CCDC33: variants seen among roughly 807,000 people sequenced by gnomAD.
The protein encoded by CCDC33 is coiled-coil domain-containing protein 33.
Under a neutral mutation model 91.9 loss-of-function variants are expected in CCDC33, and 94 were observed. The observed-to-expected ratio is 1.02, with a 90% CI of 0.87 to 1.21. The LOEUF (loss-of-function observed/expected upper bound fraction) is 1.21. Among genes scored for constraint, CCDC33 ranks in the 50% most tolerant of loss-of-function variants. CCDC33 has a pLI of 0.00. For synonymous variants in CCDC33, 396 were observed against 374.5 expected, an observed-to-expected ratio of 1.06 and a Z score of -0.66; for missense variants, 940 against 935.5, an observed-to-expected ratio of 1.00 and a Z score of -0.06.
chr15:74,311,702 A>T lies in CCDC33; in HGVS notation c.1290+15754A>T, dbSNP rs185588433. On this transcript the variant is annotated intron_variant, in intron 11 of 18. Transcript: ENST00000398814. The stretch of plus-strand genomic sequence containing the variant: ...GATGACAGCGGGAGGCTGGCTTAGA[A>T]TCAGCATTCTAAGAGTCGGTATCAT... The T allele has an allele frequency of 1.8e-4, 27 of 152,330 alleles. No homozygotes were observed. In the East Asian group the frequency reaches 5.2e-3, roughly 29 times the overall value. The allele number at this position is 152,330 out of a possible 1,614,324, so 9.4% of individuals were successfully genotyped here. A position where few individuals can be genotyped will look rare whatever the true frequency, so the allele number is the denominator to read the frequency against.
chr15:74,225,449 C>T (rs764258103), intron 2 of CCDC33, among the ~76,000 whole-genome samples: 3 of 150,196 alleles, frequency 2.0e-5, no homozygotes, highest in Admixed American at 6.6e-5. Flanking sequence ...ATGGATGCTG[C>T]GACACACAAG....
chr15:74,223,222 C>G (rs2074665297), intron 2 of CCDC33, among the ~76,000 whole-genome samples: 2 of 152,166 alleles, frequency 1.3e-5, no homozygotes, highest in South Asian at 2.1e-4. Flanking sequence ...TCCCTCTGCT[C>G]TCCTGGTGAG....
chr15:74,247,783 A>G (rs1002856265), intron 2 of CCDC33, among the ~76,000 whole-genome samples: 1 of 152,156 alleles, frequency 6.6e-6, no homozygotes, highest in Non-Finnish European at 1.5e-5. Flanking sequence ...CTAGTTAATG[A>G]TACTATATTG....
At chr15:74,243,340 A>G (rs1228036811) in intron 1 of CCDC33, among the ~76,000 whole-genome samples, 3 of 152,238 alleles carry the variant, frequency 2.0e-5, no homozygotes, top group Non-Finnish European at 1.5e-5. Flanking sequence ...TAGACTGAAG[A>G]AGGTGGCCCA....
chr15:74,273,436 T>C (rs2076373465), intron 7 of CCDC33, among the ~76,000 whole-genome samples: 1 of 152,236 alleles, frequency 6.6e-6, no homozygotes, highest in Non-Finnish European at 1.5e-5. Flanking sequence ...ATGGCTACAA[T>C]GGTGAATGTT....
chr15:74,215,870 TCAC>T (rs1272144860), upstream of CCDC33, among the ~76,000 whole-genome samples: 77 of 95,228 alleles, frequency 8.1e-4, no homozygotes, highest in East Asian at 0.013. Context: ...AAACTCGATC[TCAC>T]CAAAAAAAAA....
intron 11 of CCDC33, among the ~76,000 whole-genome samples, chr15:74,324,879 C>A (rs2060278546): frequency 6.7e-6 from 1 of 149,564 alleles, no homozygotes; most frequent in African/African-American, 2.5e-5. Flanking sequence ...CCCACCTCCT[C>A]CTTCTCCCCT....
intron 10 of CCDC33, among the ~76,000 whole-genome samples, chr15:74,287,027 G>A (rs924438648): frequency 3.9e-5 from 6 of 152,226 alleles, no homozygotes; most frequent in African/African-American, 9.7e-5. Context: ...TGGCCACTTA[G>A]CAAATATAGA....
intron 8 of CCDC33, among the ~76,000 whole-genome samples, chr15:74,280,336 G>A (rs1001381087): frequency 2.0e-5 from 3 of 152,192 alleles, no homozygotes; most frequent in African/African-American, 7.2e-5. Flanking sequence ...ATCAGTGATG[G>A]GGGAGGGCTG....
intron 6 of CCDC33, 27 bp downstream of exon 6, chr15:74,271,821 T>G (rs1595994518): frequency 6.3e-7 from 1 of 1,590,720 alleles, no homozygotes. Flanking sequence ...TGGACCTGGG[T>G]GAGGAGGGCA....
In CCDC33 at chr15:74,332,688, T is replaced by C. The variant is rs746147363; in HGVS notation, c.1781T>C (p.Met594Thr). ...QQGKPYTGFPMLSASGLPLGS... is the reference protein window; with the variant it reads ...QQGKPYTGFPTLSASGLPLGS... Reference sequence around the variant, plus strand: ...GTGGCCGTGTCTCTAGGCTTCCCTATGCTCTCAGCCTCTGGCCTTCCCTTG... The same window carrying C: ...GTGGCCGTGTCTCTAGGCTTCCCTACGCTCTCAGCCTCTGGCCTTCCCTTG... Residue 594 changes from methionine to threonine, a missense_variant, in exon 16 of 19, where the codon ATG becomes ACG. Transcript: ENST00000398814. The C allele has an allele frequency of 1.2e-6, 2 of 1,613,972 alleles. No individual in the cohort carries two copies. The highest frequency in any genetic ancestry group is 1.7e-6 in the Non-Finnish European group (2 of 1,179,960).
intron 10 of CCDC33, among the ~76,000 whole-genome samples, chr15:74,293,047 A>G (rs1036072558): frequency 6.6e-6 from 1 of 152,164 alleles, no homozygotes; most frequent in African/African-American, 2.4e-5. Flanking sequence ...GGCTCAGTAA[A>G]TGTCAGCTCT....
At chr15:74,210,899 T>C (rs907137621) in intron 2 of CCDC33, among the ~76,000 whole-genome samples, 4 of 152,198 alleles carry the variant, frequency 2.6e-5, no homozygotes, top group African/African-American at 9.7e-5. Context: ...TTGTGATAGC[T>C]GGATCTCAGG....
At chr15:74,256,860 C>CAGGA (rs1052317130) in intron 2 of CCDC33, among the ~76,000 whole-genome samples, 7 of 152,218 alleles carry the variant, frequency 4.6e-5, no homozygotes, top group Admixed American at 4.6e-4. Flanking sequence ...TCCTTGTCCG[C>CAGGA]CATGGGTGGA....
At chr15:74,335,402 T>C in intron 18 of CCDC33, 1 of 580,472 alleles carries the variant, frequency 1.7e-6, no homozygotes, top group Non-Finnish European at 3.1e-6. Context: ...ACACTGTGCT[T>C]TAGGACTGGC....
At chr15:74,265,954 G>A (rs1256473347) in intron 3 of CCDC33, among the ~76,000 whole-genome samples, 1 of 152,224 alleles carries the variant, frequency 6.6e-6, no homozygotes. Context: ...AACCTGGAAG[G>A]CAGAGGTTGT....
intron 9 of CCDC33, among the ~76,000 whole-genome samples, chr15:74,281,162 A>G (rs2059355680): frequency 6.6e-6 from 1 of 152,232 alleles, no homozygotes; most frequent in Admixed American, 6.5e-5. Flanking sequence ...TTACTGAACC[A>G]CAAGAGTCCT....
In CCDC33 at chr15:74,262,479, G is replaced by A. The variant is rs1285193974; in HGVS notation, c.225G>A (p.Lys75=). 6.2e-7 allele frequency: 1 copy of A among 1,614,020 alleles called. No homozygotes were observed. The highest frequency in any genetic ancestry group is 8.5e-7 in the Non-Finnish European group (1 of 1,180,010). ...TSEEKNNQSS[K]AVTSVTSEPT... ...AGGAAAAGAACAATCAGAGCTCCAA[G>A]GCAGTCACATCTGTGACCTCAGAGC... Residue 75 remains lysine, a synonymous_variant, in exon 3 of 19, where the codon AAG becomes AAA. Transcript: ENST00000398814.
In CCDC33 at chr15:74,244,080, C is replaced by A. The variant is rs766433450; in HGVS notation, c.117C>A (p.Val39=). 4.3e-6 allele frequency: 7 copies of A among 1,614,078 alleles called. No homozygotes were observed. The highest frequency in any genetic ancestry group is 5.1e-6 in the Non-Finnish European group (6 of 1,179,992). Residue 39 remains valine, a synonymous_variant, in exon 2 of 19, where the codon GTC becomes GTA. Coordinates refer to ENST00000398814, the MANE Select transcript of CCDC33 (RefSeq NM_025055.5). The surrounding 1 kb of genome is among the most constrained non-coding windows in gnomAD (Gnocchi z 4.2). ...LSPSKKETIM[V]TLHGATNLPA... is the part of the protein sequence containing the mutation. ...CCTCTAAGAAGGAGACCATCATGGTCACCCTCCATGGGGCTACCAACCTGC... is the reference window on the plus strand; with the variant it reads ...CCTCTAAGAAGGAGACCATCATGGTAACCCTCCATGGGGCTACCAACCTGC...
Sources: gnomAD v4.1 joint callset for allele counts (sites outside exome capture counted in the v4.1 genomes callset) on GRCh38, gnomAD v4.1.1 for gene constraint, Gnocchi (gnomAD v3.1) non-coding constraint, MANE v1.5 for transcripts, NCBI Gene and HGNC (gene_info 2026-07-23, HGNC 2026-07-21) for gene names.